Variants in CYP27B1 observed in about 807,000 individuals in gnomAD.
CYP27B1 encodes the protein 25-hydroxyvitamin D-1 alpha hydroxylase, mitochondrial.
In CYP27B1, 46 loss-of-function variants were observed where a neutral mutation model predicts 54.8. That is an observed-to-expected ratio of 0.84 (90% CI 0.66 to 1.07). The LOEUF (loss-of-function observed/expected upper bound fraction) is 1.07, where lower values mean the gene tolerates loss of function less well. Among genes scored for constraint, CYP27B1 ranks in the 50% least tolerant of loss-of-function variants. CYP27B1 has a pLI of 0.00. For synonymous variants in CYP27B1, 292 were observed against 297.3 expected, an observed-to-expected ratio of 0.98 and a Z score of 0.18; for missense variants, 674 against 692.2, an observed-to-expected ratio of 0.97 and a Z score of 0.30.
At position 57,765,388 on chromosome 12, in the gene CYP27B1, C is replaced by T. The variant is rs1421547636; in HGVS notation, c.498G>A (p.Val166=). Residue 166 remains valine, a synonymous_variant, in exon 3 of 9, where the codon GTG becomes GTA. Coordinates refer to ENST00000228606, the MANE Select transcript of CYP27B1 (RefSeq NM_000785.4). This position sits in a 1 kb window ranked among gnomAD's most constrained non-coding sequence, Gnocchi z 5.8. ...GTCCCCGCTGGCGCCTCAGACGCCG[C>T]ACAAGGTCGCAGACTACGTTGTTCA... ...GTLNNVVCDL[V]RRLRRQRGRG... 1.2e-6 allele frequency: 2 copies of T among 1,613,228 alleles called. No homozygotes were observed. The highest frequency in any genetic ancestry group is 1.7e-5 in the Admixed American group (1 of 59,968).
In CYP27B1 at chr12:57,765,932, T is replaced by C; in HGVS notation, c.386+75A>G. 5 of 1,467,854 alleles carry C rather than the reference T, an allele frequency of 3.4e-6. No homozygotes were observed. The highest frequency in any genetic ancestry group is 3.6e-6 in the Non-Finnish European group (4 of 1,112,770). The allele number at this position is 1,467,854 out of a possible 1,614,324, so 90.9% of individuals were successfully genotyped here. On this transcript the variant is annotated intron_variant, in intron 2 of 8. Transcript: ENST00000228606. This position sits in a 1 kb window ranked among gnomAD's most constrained non-coding sequence, Gnocchi z 5.8. The stretch of plus-strand genomic sequence containing the variant: ...GCCGACCTCCCACCATGCCCCCAGA[T>C]TGATAGTTTCGGGACCCGCAGCAGG...
At chr12:57,763,850 T>C in intron 7 of CYP27B1, 42 bp from the exon 8 acceptor site, 1 of 1,586,672 alleles carries the variant, frequency 6.3e-7, no homozygotes, top group Non-Finnish European at 8.7e-7. Flanking sequence ...GGGCTCAGAA[T>C]AGGGCAGGCA....
At position 57,763,770 on chromosome 12, in the gene CYP27B1, G is replaced by T. The variant is rs769534483; in HGVS notation, c.1254C>A (p.Asp418Glu). 1.2e-6 allele frequency: 2 copies of T among 1,614,208 alleles called. No homozygotes were observed. Among genetic ancestry groups the T allele is most frequent in the South Asian group, 2.2e-5 (2 of 91,090 alleles). ...VTLCHYATSR[D>E]PAQFPEPNSF... Reference sequence around the variant, plus strand: ...AATTTGGCTCTGGGAACTGGGCAGGGTCCCTTGAAGTGGCATAGTGACACA... The same window carrying T: ...AATTTGGCTCTGGGAACTGGGCAGGTTCCCTTGAAGTGGCATAGTGACACA... Residue 418 changes from aspartate to glutamate, a missense_variant, in exon 8 of 9, where the codon GAC (aspartate) becomes GAA (glutamate). Physicochemically the swap from Asp to Glu is conservative, Grantham distance 45 (BLOSUM62 2). Coordinates refer to ENST00000228606, the MANE Select transcript of CYP27B1 (RefSeq NM_000785.4).
rs1477629069 is a variant in CYP27B1, at chr12:57,766,190, C to T, written c.203G>A (p.Gly68Asp). 2 of 1,538,522 alleles carry T rather than the reference C, an allele frequency of 1.3e-6. 1 individual carries two copies. The highest frequency in any genetic ancestry group is 4.9e-5 in the East Asian group (2 of 40,626). The change falls in exon 2 of 9, where the codon GGC becomes GAC. Residue 68 changes from glycine to aspartate, a missense_variant. Gly to Asp is a moderately conservative substitution (Grantham distance 94). Transcript: ENST00000228606. ...CCACACCGGCCCGAAGTGCGCGGCG[C>T]CCTGCACCTGGGGGAGCGGACACAG... ...LSRLHELQVQ[G>D]AAHFGPVWLA... is the part of the protein sequence containing the mutation.
chr12:57,764,766 C>T lies in CYP27B1; in HGVS notation c.951G>A (p.Ala317=), dbSNP rs1955344796. The change falls in exon 5 of 9, where the codon GCG becomes GCA. Residue 317 remains alanine, a synonymous_variant. Coordinates refer to ENST00000228606, the MANE Select transcript of CYP27B1 (RefSeq NM_000785.4). ...GGGAGAACCTCACCGTGTCCACTCC[C>T]GCCAATAGCAACTCTGTCACATTTC... ...ILGNVTELLL[A]GVDTVSNTLS... The T allele has an allele frequency of 6.2e-7, 1 of 1,614,160 alleles. No homozygotes were observed. The highest frequency in any genetic ancestry group is 8.5e-7 in the Non-Finnish European group (1 of 1,180,034).
rs769534483 is a variant in CYP27B1 at position 57,763,770 on chromosome 12, G to A, written c.1254C>T (p.Asp418=). 4 of 1,614,208 alleles carry A rather than the reference G, an allele frequency of 2.5e-6. No homozygotes were observed. The highest frequency in any genetic ancestry group is 3.4e-6 in the Non-Finnish European group (4 of 1,180,024). ...AATTTGGCTCTGGGAACTGGGCAGG[G>A]TCCCTTGAAGTGGCATAGTGACACA... The part of the protein sequence containing the change: ...VTLCHYATSR[D]PAQFPEPNSF... The change falls in exon 8 of 9, where the codon GAC becomes GAT. Residue 418 remains aspartate (D), a synonymous_variant. Coordinates refer to ENST00000228606, the MANE Select transcript of CYP27B1 (RefSeq NM_000785.4).
Position 57,762,983 on chromosome 12 carries a change from A to G in CYP27B1, c.*159T>C. The stretch of plus-strand genomic sequence containing the variant: ...CTGAGTCAGGCCAAGTGCATACTTC[A>G]CACATTGGTCAGGGCCGCCTCACAC... On this transcript the variant is annotated 3_prime_UTR_variant, in exon 9 of 9. Transcript: ENST00000228606. 1 of 664,716 alleles carries G rather than the reference A, an allele frequency of 1.5e-6. No homozygotes were observed. The highest frequency in any genetic ancestry group is 1.6e-5 in the South Asian group (1 of 63,464). The allele number at this position is 664,716 out of a possible 1,614,324, so 41.2% of individuals were successfully genotyped here.
rs1183778859 is a variant in CYP27B1 at position 57,762,471 on chromosome 12, A to T, written c.*671T>A. On this transcript the variant is annotated 3_prime_UTR_variant, in exon 9 of 9. Transcript: ENST00000228606. Reference sequence around the variant, plus strand: ...CTAAGTGATGGGGCAAACCCACTTAATAGTGGCCAGAGAGCAAAGGAGAGT... The same window carrying T: ...CTAAGTGATGGGGCAAACCCACTTATTAGTGGCCAGAGAGCAAAGGAGAGT... 1 of 155,024 alleles carries T rather than the reference A, an allele frequency of 6.5e-6. No individual in the cohort carries two copies. Among genetic ancestry groups the T allele is most frequent in the Non-Finnish European group, 1.4e-5 (1 of 69,750 alleles). 9.6% of individuals were successfully genotyped at this position (155,024 alleles called of 1,614,324 possible). A position where few individuals can be genotyped will look rare whatever the true frequency, so the allele number is the denominator to read the frequency against.
chr12:57,765,406 G>A lies in CYP27B1; in HGVS notation c.480C>T (p.Asn160=), dbSNP rs141906701. Residue 160 remains asparagine, a synonymous_variant, in exon 3 of 9, where the codon AAC becomes AAT. Transcript: ENST00000228606. This position sits in a 1 kb window ranked among gnomAD's most constrained non-coding sequence, Gnocchi z 5.8. ...AAARYAGTLN[N]VVCDLVRRLR... is the part of the protein sequence containing the mutation. ...GACGCCGCACAAGGTCGCAGACTAC[G>A]TTGTTCAGGGTTCCGGCGTAGCGGG... is the stretch of plus-strand genomic sequence containing the variant. 71 of 1,613,048 alleles carry A rather than the reference G, an allele frequency of 4.4e-5. No individual in the cohort carries two copies. The highest frequency in any genetic ancestry group is 5.9e-5 in the Non-Finnish European group (70 of 1,179,678).
In CYP27B1 at chr12:57,765,975, C is replaced by T; in HGVS notation, c.386+32G>A. 6 of 1,523,110 alleles carry T rather than the reference C, an allele frequency of 3.9e-6. No homozygotes were observed. The highest frequency in any genetic ancestry group is 5.3e-6 in the Non-Finnish European group (6 of 1,137,498). 94.3% of individuals were successfully genotyped at this position (1,523,110 alleles called of 1,614,324 possible). On this transcript the variant is annotated intron_variant, in intron 2 of 8. Coordinates refer to ENST00000228606, the MANE Select transcript of CYP27B1 (RefSeq NM_000785.4). This position sits in a 1 kb window ranked among gnomAD's most constrained non-coding sequence, Gnocchi z 5.8. ...GCAGCAGGAGAGGGCCGCTGCAGGG[C>T]GTCTGGGCTTCTGGGGGCAGAGAAG...
chr12:57,767,072 C>G lies in CYP27B1; in HGVS notation c.-31G>C, dbSNP rs372422608. On this transcript the variant is annotated 5_prime_UTR_variant, in exon 1 of 9. Coordinates refer to ENST00000228606, the MANE Select transcript of CYP27B1 (RefSeq NM_000785.4). Reference sequence around the variant, plus strand: ...GGTTCAGGGTGCTCGCGAAAGAAAGCGCTTCTCCTGAGCATCATATCTCAA... The same window carrying G: ...GGTTCAGGGTGCTCGCGAAAGAAAGGGCTTCTCCTGAGCATCATATCTCAA... The G allele has an allele frequency of 6.2e-7, 1 of 1,605,054 alleles. No homozygotes were observed. The highest frequency in any genetic ancestry group is 2.2e-5 in the East Asian group (1 of 44,844).
In CYP27B1 at chr12:57,762,881, A is replaced by T. The variant is rs536111659; in HGVS notation, c.*261T>A. ...ATCCAGCATTATTAGTTAAAATCTG[A>T]TTTCATCCTTGGGGGATGCATACAT... On this transcript the variant is annotated 3_prime_UTR_variant, in exon 9 of 9. Transcript: ENST00000228606. The T allele has an allele frequency of 2.2e-6, 1 of 453,238 alleles. No homozygotes were observed. The highest frequency in any genetic ancestry group is 4.1e-6 in the Non-Finnish European group (1 of 243,416). The allele number at this position is 453,238 out of a possible 1,614,324, so 28.1% of individuals were successfully genotyped here.
In CYP27B1 at chr12:57,765,138, G is replaced by A. The variant is rs1733634847; in HGVS notation, c.663C>T (p.Phe221=). Residue 221 remains phenylalanine (F), a synonymous_variant, in exon 4 of 9, where the codon TTC becomes TTT. Transcript: ENST00000228606. This position sits in a 1 kb window ranked among gnomAD's most constrained non-coding sequence, Gnocchi z 5.8. ...EAQVPPDTET[F]IRAVGSVFVS... ...CAAACACCGAGCCCACAGCGCGGAT[G>A]AAGGTCTCCGTGTCGGGTGGCACTT... is the stretch of plus-strand genomic sequence containing the variant. The A allele has an allele frequency of 6.2e-7, 1 of 1,613,900 alleles. No homozygotes were observed. The highest frequency in any genetic ancestry group is 8.5e-7 in the Non-Finnish European group (1 of 1,179,984).
chr12:57,766,695 A>C (rs1595119468), intron 1 of CYP27B1, 152 bp downstream of exon 1: 1 of 864,958 alleles, frequency 1.2e-6, no homozygotes, highest in Middle Eastern at 3.5e-4. Context: ...GTGTAGCCAC[A>C]CCGCCCCCAG....
At position 57,763,000 on chromosome 12, in the gene CYP27B1, G is replaced by A. The variant is rs920776852; in HGVS notation, c.*142C>T. The A allele has an allele frequency of 3.1e-5, 22 of 700,268 alleles. No individual in the cohort carries two copies. Among genetic ancestry groups the A allele is most frequent in the South Asian group, 6.0e-5 (4 of 66,200 alleles). 43.4% of individuals were successfully genotyped at this position (700,268 alleles called of 1,614,324 possible). ...CATACTTCACACATTGGTCAGGGCCGCCTCACACTTCACTATGGTGGTTCT... is the reference window on the plus strand; with the variant it reads ...CATACTTCACACATTGGTCAGGGCCACCTCACACTTCACTATGGTGGTTCT... On this transcript the variant is annotated 3_prime_UTR_variant, in exon 9 of 9. Transcript: ENST00000228606.
rs1595118831 is a variant in CYP27B1, at chr12:57,765,821, C to T, written c.386+186G>A. ...GGGCCTCAAAGGATAAGGAGGTAGG[C>T]GGGGAGTGAGGTTGGGGCTCAACCT... is the stretch of plus-strand genomic sequence containing the variant. On this transcript the variant is annotated intron_variant, in intron 2 of 8. Coordinates refer to ENST00000228606, the MANE Select transcript of CYP27B1 (RefSeq NM_000785.4). The surrounding 1 kb of genome is among the most constrained non-coding windows in gnomAD (Gnocchi z 5.8). 4 of 1,184,172 alleles carry T rather than the reference C, an allele frequency of 3.4e-6. No homozygotes were observed. The highest frequency in any genetic ancestry group is 2.6e-5 in the East Asian group (1 of 38,774). 73.4% of individuals were successfully genotyped at this position (1,184,172 alleles called of 1,614,324 possible).
intron 1 of CYP27B1, chr12:57,766,588 G>A (rs1955363008): frequency 5.1e-6 from 3 of 584,280 alleles, no homozygotes; most frequent in South Asian, 2.1e-5. Flanking sequence ...CCCCTCCCGC[G>A]CACTTGTACT....
chr12:57,764,323 C>T, intron 6 of CYP27B1, 55 bp downstream of exon 6: 2 of 1,609,582 alleles, frequency 1.2e-6, no homozygotes, highest in Admixed American at 1.7e-5. Context: ...CCACTAGTTG[C>T]TTCCCCAGCC....
Position 57,765,899 on chromosome 12 carries a change from G to T in CYP27B1, c.386+108C>A. 6.9e-7 allele frequency: 1 copy of T among 1,441,694 alleles called. No individual in the cohort carries two copies. The highest frequency in any genetic ancestry group is 9.1e-7 in the Non-Finnish European group (1 of 1,101,110). 89.3% of individuals were successfully genotyped at this position (1,441,694 alleles called of 1,614,324 possible). ...GAACCCCAAGATGCCCAATGGTAGA[G>T]TGGGACAGCCGACCTCCCACCATGC... On this transcript the variant is annotated intron_variant, in intron 2 of 8. Coordinates refer to ENST00000228606, the MANE Select transcript of CYP27B1 (RefSeq NM_000785.4). This position sits in a 1 kb window ranked among gnomAD's most constrained non-coding sequence, Gnocchi z 5.8.
Sources: allele counts gnomAD v4.1 joint callset, GRCh38; gene constraint gnomAD v4.1.1; non-coding constraint Gnocchi (gnomAD v3.1); transcripts MANE v1.5; gene names NCBI Gene and HGNC (gene_info 2026-07-23, HGNC 2026-07-21).